STXBP5: variants seen among roughly 807,000 people sequenced by gnomAD.
STXBP5 encodes the protein syntaxin-binding protein 5.
STXBP5 carries 50 observed loss-of-function variants against 152.4 expected under a neutral mutation model. The ratio of observed to expected loss-of-function variants is 0.33; its 90% CI spans 0.26 to 0.42. The LOEUF is 0.42. Ranked by LOEUF, STXBP5 falls within the 10% of genes least tolerant of loss-of-function variation. STXBP5 has a pLI of 1.00. For missense variants in STXBP5, 1,167 were observed against 1,388.6 expected (o/e 0.84, Z 2.54); for synonymous variants, 492 against 494.7 (o/e 0.99, Z 0.07).
intron 9 of STXBP5, among the ~76,000 whole-genome samples, chr6:147,304,492 T>C (rs1375541599): frequency 6.6e-6 from 1 of 152,172 alleles, no homozygotes; most frequent in Non-Finnish European, 1.5e-5. Context: ...ACTAGGGCAG[T>C]GTGGATGGGA....
chr6:147,262,990 A>G (rs1393956996), intron 6 of STXBP5, among the ~76,000 whole-genome samples: 2 of 152,000 alleles, frequency 1.3e-5, no homozygotes, highest in African/African-American at 4.8e-5. Context: ...TTCTACCTAT[A>G]TAATTTTATG....
At chr6:147,216,274 C>A (rs972752184) in intron 2 of STXBP5, among the ~76,000 whole-genome samples, 5 of 152,076 alleles carry the variant, frequency 3.3e-5, no homozygotes, top group African/African-American at 9.7e-5. Context: ...TGCCTGTAAT[C>A]CCAGCTACTT....
At chr6:147,277,557 C>T (rs1356531235) in intron 7 of STXBP5, among the ~76,000 whole-genome samples, 1 of 151,874 alleles carries the variant, frequency 6.6e-6, no homozygotes, top group African/African-American at 2.4e-5. Context: ...AACAGTGTCC[C>T]CTGAGATTAA....
chr6:147,305,104 A>G (rs1215703581), intron 9 of STXBP5, among the ~76,000 whole-genome samples: 1 of 152,182 alleles, frequency 6.6e-6, no homozygotes, highest in African/African-American at 2.4e-5. Context: ...ATGGCTGTAA[A>G]GAGTTCCTGT....
intron 21 of STXBP5, among the ~76,000 whole-genome samples, chr6:147,341,828 A>G (rs1784108360): frequency 6.6e-6 from 1 of 152,044 alleles, no homozygotes; most frequent in African/African-American, 2.4e-5. Context: ...AGCTTTTTGA[A>G]TGTATTTAGC....
chr6:147,378,812 C>A (rs1308638078), intron 26 of STXBP5, among the ~76,000 whole-genome samples: 2 of 152,108 alleles, frequency 1.3e-5, no homozygotes, highest in East Asian at 3.9e-4. Flanking sequence ...CTTTAAATTA[C>A]TATTTGTGTA....
At chr6:147,340,765 T>G (rs1343975902) in intron 21 of STXBP5, among the ~76,000 whole-genome samples, 1 of 152,128 alleles carries the variant, frequency 6.6e-6, no homozygotes, top group Admixed American at 6.5e-5. Context: ...TTCCCATTTT[T>G]TCTTGTTTTA....
intron 7 of STXBP5, among the ~76,000 whole-genome samples, chr6:147,277,191 A>G (rs1250559162): frequency 2.6e-5 from 4 of 152,148 alleles, no homozygotes; most frequent in Admixed American, 1.3e-4. Context: ...GCTTAAATTT[A>G]TAAGTATAGA....
Position 147,334,136 on chromosome 6 carries a change from T to C in STXBP5, c.2081-21T>C, listed in dbSNP as rs200599169. On this transcript the variant is annotated intron_variant, in intron 18 of 27. Coordinates refer to ENST00000321680, the MANE Select transcript of STXBP5 (RefSeq NM_001127715.4). ...TTACATAAATGTATGGGTTGATTTG[T>C]TTTTTGTTTTTGTTTTGTAGCCGGT... 352 of 1,609,934 alleles carry C rather than the reference T, an allele frequency of 2.2e-4. No individual in the cohort carries two copies. The African/African-American group carries it at 4.4e-3, about 20-fold the overall frequency.
chr6:147,316,513 G>A lies in STXBP5; in HGVS notation c.1802+106G>A, dbSNP rs113165520. 70 of 1,019,246 alleles carry A rather than the reference G, an allele frequency of 6.9e-5. No individual in the cohort carries two copies. In the African/African-American group the frequency reaches 8.1e-4, roughly 12 times the overall value. 63.1% of individuals were successfully genotyped at this position (1,019,246 alleles called of 1,614,324 possible). Reference sequence around the variant, plus strand: ...CATTTTCTTTTGATATAGCAAAATGGCATAAGAATGGTTCTTCCTGTGTTT... The same window carrying A: ...CATTTTCTTTTGATATAGCAAAATGACATAAGAATGGTTCTTCCTGTGTTT... On this transcript the variant is annotated intron_variant, in intron 16 of 27. Coordinates refer to ENST00000321680, the MANE Select transcript of STXBP5 (RefSeq NM_001127715.4).
chr6:147,282,497 A>C (rs1780748724), intron 8 of STXBP5, among the ~76,000 whole-genome samples: 1 of 152,192 alleles, frequency 6.6e-6, no homozygotes, highest in African/African-American at 2.4e-5. Context: ...GGCAAGATTG[A>C]ACAGGATTTT....
chr6:147,275,650 C>T (rs530153437), intron 7 of STXBP5, among the ~76,000 whole-genome samples: 2 of 145,888 alleles, frequency 1.4e-5, no homozygotes, highest in South Asian at 2.2e-4. Flanking sequence ...CTCCACCTCC[C>T]GGGTTCACGC....
At chr6:147,337,470 G>T (rs531408281) in intron 19 of STXBP5, among the ~76,000 whole-genome samples, 1 of 151,964 alleles carries the variant, frequency 6.6e-6, no homozygotes, top group Non-Finnish European at 1.5e-5. Context: ...ACAATCAGTA[G>T]TAAGTATTTT....
intron 21 of STXBP5, among the ~76,000 whole-genome samples, chr6:147,345,988 A>C (rs1784308648): frequency 1.3e-5 from 2 of 152,042 alleles, no homozygotes. Context: ...ACCTGCCTAC[A>C]CTCTCTGAGA....
chr6:147,331,526 C>T (rs1001048131), intron 18 of STXBP5, among the ~76,000 whole-genome samples: 1 of 152,036 alleles, frequency 6.6e-6, no homozygotes, highest in Non-Finnish European at 1.5e-5. Flanking sequence ...TGGTGACTCC[C>T]TCATGAAGTT....
chr6:147,339,271 T>C, intron 20 of STXBP5, 33 bp downstream of exon 20: 1 of 1,510,180 alleles, frequency 6.6e-7, no homozygotes, highest in Non-Finnish European at 8.9e-7. Context: ...TATTTTCTTT[T>C]ATGTTTAATT....
At chr6:147,226,424 G>A (rs1777715486) in intron 2 of STXBP5, among the ~76,000 whole-genome samples, 1 of 152,176 alleles carries the variant, frequency 6.6e-6, no homozygotes, top group African/African-American at 2.4e-5. Flanking sequence ...AAAAAGAGCA[G>A]ATTACCACGT....
rs1483678970 is a variant in STXBP5, at chr6:147,337,023, TAGAG to T, written c.2147-2154_2147-2151del. On this transcript the variant is annotated intron_variant, in intron 19 of 27. Coordinates refer to ENST00000321680, the MANE Select transcript of STXBP5 (RefSeq NM_001127715.4). ...TTTATGTAAACCAGTGGTCCCCCAA[TAGAG>T]AAAGTTAATTCTGCCTACTGAACAT... Among the ~76,000 whole-genome samples the T allele has an allele frequency of 2.0e-5, 3 of 152,088 alleles. No individual in the cohort carries two copies. In the East Asian group the frequency reaches 5.8e-4, roughly 29 times the overall value.
At chr6:147,318,523 T>A (rs1280509588) in intron 16 of STXBP5, among the ~76,000 whole-genome samples, 1 of 152,208 alleles carries the variant, frequency 6.6e-6, no homozygotes, top group Non-Finnish European at 1.5e-5. Context: ...GACCTGAGAT[T>A]ATGGTATGGC....
Sources: allele counts gnomAD v4.1 joint callset (sites outside exome capture counted in the v4.1 genomes callset), GRCh38; gene constraint gnomAD v4.1.1; transcripts MANE v1.5; gene names NCBI Gene and HGNC (gene_info 2026-07-23, HGNC 2026-07-21).